SSH2: variants seen among roughly 807,000 people sequenced by gnomAD.
SSH2 encodes slingshot protein phosphatase 2, also known as protein phosphatase Slingshot homolog 2.
SSH2 carries 37 observed loss-of-function variants against 135.2 expected under a neutral mutation model. The observed-to-expected ratio is 0.27, with a 90% CI of 0.21 to 0.36. The LOEUF (loss-of-function observed/expected upper bound fraction) is 0.36. Among genes scored for constraint, SSH2 ranks in the 10% least tolerant of loss-of-function variants. The pLI is 1.00. For synonymous variants in SSH2, 628 were observed against 646.2 expected, an observed-to-expected ratio of 0.97 and a Z score of 0.43; for missense variants, 1,408 against 1,765.3, an observed-to-expected ratio of 0.80 and a Z score of 3.63.
intron 3 of SSH2, among the ~76,000 whole-genome samples, chr17:29,777,084 CAT>C (rs2041719684): frequency 6.6e-6 from 1 of 152,008 alleles, no homozygotes; most frequent in South Asian, 2.1e-4. Context: ...TGGTGGCGCA[CAT>C]GTGTAATCCC....
intron 13 of SSH2, among the ~76,000 whole-genome samples, chr17:29,649,856 G>A (rs1044595931): frequency 1.3e-5 from 2 of 152,216 alleles, no homozygotes. Flanking sequence ...CAAAGCTAGA[G>A]TATGAGGATT....
chr17:29,692,890 C>T (rs148018627), intron 5 of SSH2, among the ~76,000 whole-genome samples: 161 of 152,294 alleles, frequency 1.1e-3, no homozygotes, highest in African/African-American at 3.6e-3. Context: ...GTGGAGTCCA[C>T]CAATTGGTGA....
At chr17:29,721,533 C>G (rs999123137) in intron 3 of SSH2, among the ~76,000 whole-genome samples, 23 of 152,182 alleles carry the variant, frequency 1.5e-4, no homozygotes, top group African/African-American at 5.5e-4. Flanking sequence ...TTTTCTCACA[C>G]AGTAAGACAG....
chr17:29,853,410 A>G (rs2065603556), intron 1 of SSH2, among the ~76,000 whole-genome samples: 1 of 149,894 alleles, frequency 6.7e-6, no homozygotes, highest in South Asian at 2.1e-4. Context: ...ATACATAGCA[A>G]CTCTCAGTGG....
chr17:29,925,686 G>A, intron 1 of SSH2: 1 of 387,416 alleles, frequency 2.6e-6, no homozygotes, highest in Non-Finnish European at 4.5e-6. Context: ...TCCAGCCTGT[G>A]CTACAGTGAG....
chr17:29,690,207 C>T (rs1013251071), intron 5 of SSH2, among the ~76,000 whole-genome samples: 3 of 151,734 alleles, frequency 2.0e-5, no homozygotes, highest in African/African-American at 7.3e-5. Flanking sequence ...AGTTCAAGAC[C>T]AGCCAGACCA....
chr17:29,670,811 A>C (rs184650192), intron 9 of SSH2, among the ~76,000 whole-genome samples: 13 of 152,212 alleles, frequency 8.5e-5, no homozygotes, highest in East Asian at 7.7e-4. Flanking sequence ...GTTAAAAAAA[A>C]CCCAAAAACC....
intron 6 of SSH2, among the ~76,000 whole-genome samples, chr17:29,678,093 A>ATTTTTTTTTTTTT (rs56386467): frequency 7.4e-6 from 1 of 136,030 alleles, no homozygotes; most frequent in African/African-American, 2.8e-5. Flanking sequence ...GACTCCAAGG[A>ATTTTTTTTTTTTT]TTTTTTTTTT....
At chr17:29,708,538 C>T (rs1021672069) in intron 3 of SSH2, among the ~76,000 whole-genome samples, 4 of 149,394 alleles carry the variant, frequency 2.7e-5, no homozygotes, top group Non-Finnish European at 4.4e-5. Flanking sequence ...TGCAGTGAGC[C>T]GAGATTGTGC....
intron 3 of SSH2, among the ~76,000 whole-genome samples, chr17:29,771,811 G>T (rs919889372): frequency 2.6e-5 from 4 of 152,164 alleles, no homozygotes; most frequent in African/African-American, 9.7e-5. Context: ...TGGCAGAGCA[G>T]CATCATTATC....
intron 11 of SSH2, among the ~76,000 whole-genome samples, 176 bp from the exon 12 acceptor site, chr17:29,655,783 A>G (rs576818442): frequency 9.8e-5 from 15 of 152,348 alleles, no homozygotes; most frequent in African/African-American, 3.6e-4. Context: ...TGATAGAGTA[A>G]GAATGTTATT....
At chr17:29,893,090 G>A (rs1368067573) in intron 1 of SSH2, among the ~76,000 whole-genome samples, 1 of 151,954 alleles carries the variant, frequency 6.6e-6, no homozygotes. Context: ...TTGATCTTAC[G>A]AAAGTCACTA....
intron 1 of SSH2, among the ~76,000 whole-genome samples, chr17:29,923,437 G>A (rs928762936): frequency 6.6e-6 from 1 of 151,618 alleles, no homozygotes; most frequent in Non-Finnish European, 1.5e-5. Context: ...TGGGCAACAG[G>A]ATGAGACCCC....
At chr17:29,632,975 T>G (rs1485503897) in intron 15 of SSH2, 44 bp from the exon 16 acceptor site, 1 of 1,508,340 alleles carries the variant, frequency 6.6e-7, no homozygotes, top group Non-Finnish European at 9.0e-7. Flanking sequence ...AACTGTAGTC[T>G]AATTGAAAAT....
intron 1 of SSH2, among the ~76,000 whole-genome samples, chr17:29,917,007 T>C (rs189752658): frequency 1.2e-3 from 183 of 151,334 alleles, no homozygotes; most frequent in African/African-American, 4.3e-3. Context: ...TTTCCTGATC[T>C]GTCTGTAGCA....
At chr17:29,641,019 C>T (rs1193049252) in intron 14 of SSH2, among the ~76,000 whole-genome samples, 1 of 152,164 alleles carries the variant, frequency 6.6e-6, no homozygotes, top group African/African-American at 2.4e-5. Flanking sequence ...AAGCAATTCT[C>T]CTGCCTCAGC....
chr17:29,800,395 T>C (rs1006185424), intron 2 of SSH2, among the ~76,000 whole-genome samples: 9 of 152,324 alleles, frequency 5.9e-5, no homozygotes, highest in African/African-American at 2.2e-4. Flanking sequence ...TCTTGAACAA[T>C]AGCATTCAAA....
At chr17:29,798,866 C>G (rs1448429345) in intron 2 of SSH2, among the ~76,000 whole-genome samples, 1 of 152,056 alleles carries the variant, frequency 6.6e-6, no homozygotes, top group Non-Finnish European at 1.5e-5. Context: ...TCTGTTCTAC[C>G]TTTTCTGCCT....
intron 3 of SSH2, among the ~76,000 whole-genome samples, chr17:29,755,532 A>C (rs1390567574): frequency 6.6e-6 from 1 of 152,182 alleles, no homozygotes; most frequent in African/African-American, 2.4e-5. Flanking sequence ...CACAGTTGAA[A>C]GTAATAAGAG....
Sources: gnomAD v4.1 joint callset for allele counts (sites outside exome capture counted in the v4.1 genomes callset) on GRCh38, gnomAD v4.1.1 for gene constraint, MANE v1.5 for transcripts, NCBI Gene and HGNC (gene_info 2026-07-23, HGNC 2026-07-21) for gene names.